The following PCNX1 variants were observed in gnomAD, a reference collection of about 807,000 sequenced individuals.
PCNX1 encodes pecanex-like protein 1.
Under a neutral mutation model 242.2 loss-of-function variants are expected in PCNX1, and 78 were observed. The ratio of observed to expected loss-of-function variants is 0.32; its 90% CI spans 0.27 to 0.39. PCNX1 has a LOEUF of 0.39. Ranked by LOEUF, PCNX1 falls within the 10% of genes least tolerant of loss-of-function variation. The probability of loss-of-function intolerance (pLI) is 1.00; values close to 1 mark genes in which losing one functional copy is unlikely to be tolerated. For missense variants in PCNX1, 2,581 were observed against 2,856.5 expected (o/e 0.90, Z 2.20); for synonymous variants, 1,024 against 1,032.9 (o/e 0.99, Z 0.17).
At chr14:71,076,444 C>A in intron 28 of PCNX1, 25 bp downstream of exon 28, 1 of 1,465,754 alleles carries the variant, frequency 6.8e-7, no homozygotes, top group South Asian at 1.1e-5. Context: ...ATTTATAACT[C>A]TTTGAATCCA....
At chr14:71,090,826 A>G (rs906954189) in intron 30 of PCNX1, among the ~76,000 whole-genome samples, 2 of 152,204 alleles carry the variant, frequency 1.3e-5, no homozygotes, top group Non-Finnish European at 2.9e-5. Context: ...CTTGTCCGAG[A>G]TGAAACTGAG....
chr14:70,952,890 C>T (rs948126141), intron 2 of PCNX1, among the ~76,000 whole-genome samples: 3 of 152,102 alleles, frequency 2.0e-5, no homozygotes, highest in African/African-American at 7.2e-5. Context: ...TATGAAAGTC[C>T]TTATTGTTCA....
chr14:71,011,949 G>GA (rs766950521), intron 10 of PCNX1: 1 of 171,426 alleles, frequency 5.8e-6, no homozygotes, highest in Non-Finnish European at 1.2e-5. Flanking sequence ...ATGGGAAGAT[G>GA]ATTGTTTTAT....
At chr14:71,083,152 TTTTC>T (rs1259096516) in intron 28 of PCNX1, among the ~76,000 whole-genome samples, 1 of 152,226 alleles carries the variant, frequency 6.6e-6, no homozygotes, top group African/African-American at 2.4e-5. Context: ...TTGAAAATTC[TTTTC>T]TTTAAGAATG....
intron 2 of PCNX1, among the ~76,000 whole-genome samples, chr14:70,953,654 T>C (rs1006093524): frequency 3.0e-5 from 4 of 133,046 alleles, no homozygotes; most frequent in Admixed American, 2.4e-4. Flanking sequence ...TTTTTTGTGT[T>C]TTTTTCTTTC....
chr14:70,976,093 G>A (rs899848626), intron 5 of PCNX1, among the ~76,000 whole-genome samples: 7 of 152,162 alleles, frequency 4.6e-5, no homozygotes, highest in South Asian at 4.2e-4. Context: ...TGAAATAATC[G>A]TATTAGCTTT....
intron 28 of PCNX1, among the ~76,000 whole-genome samples, chr14:71,084,083 T>C (rs2061923841): frequency 6.6e-6 from 1 of 152,204 alleles, no homozygotes; most frequent in South Asian, 2.1e-4. Context: ...TTCTGTTTGT[T>C]AGTTTTCCTT....
chr14:70,951,235 T>C (rs1157221308), intron 2 of PCNX1, among the ~76,000 whole-genome samples: 4 of 152,210 alleles, frequency 2.6e-5, no homozygotes, highest in African/African-American at 7.2e-5. Context: ...AACTTAGTTT[T>C]CTGCTTCATC....
intron 1 of PCNX1, among the ~76,000 whole-genome samples, chr14:70,930,404 G>T (rs1164855463): frequency 6.6e-6 from 1 of 152,102 alleles, no homozygotes; most frequent in Non-Finnish European, 1.5e-5. Context: ...AGTTGCATGT[G>T]CTATGTTATT....
At chr14:71,089,527 A>G (rs1466209783) in intron 30 of PCNX1, among the ~76,000 whole-genome samples, 185 bp downstream of exon 30, 1 of 152,194 alleles carries the variant, frequency 6.6e-6, no homozygotes, top group East Asian at 1.9e-4. Context: ...ACTTACAGTC[A>G]TGGCGGAAGG....
chr14:70,999,140 A>G (rs572339902), intron 8 of PCNX1, among the ~76,000 whole-genome samples: 3 of 152,330 alleles, frequency 2.0e-5, no homozygotes, highest in East Asian at 1.9e-4. Context: ...GTTCTGTTTT[A>G]TATCTGCTAA....
At position 70,959,379 on chromosome 14, in the gene PCNX1, C is replaced by T. The variant is rs1216901147; in HGVS notation, c.363-2847C>T. 4.0e-5 allele frequency among the ~76,000 whole-genome samples: 4 copies of T among 100,170 alleles called. No individual in the cohort carries two copies. In the Admixed American group the frequency reaches 5.2e-4, roughly 13 times the overall value. 65.7% of individuals were successfully genotyped at this position (100,170 alleles called of 152,430 possible). Reference sequence around the variant, plus strand: ...TATCTTCTAATGCTATCCCTCCCCCCTCCCCCCACCCCACAACAGTCCCCA... The same window carrying T: ...TATCTTCTAATGCTATCCCTCCCCCTTCCCCCCACCCCACAACAGTCCCCA... On this transcript the variant is annotated intron_variant, in intron 2 of 35. Coordinates refer to ENST00000304743, the MANE Select transcript of PCNX1 (RefSeq NM_014982.3).
At chr14:71,081,374 C>G (rs1398394630) in intron 28 of PCNX1, among the ~76,000 whole-genome samples, 2 of 152,114 alleles carry the variant, frequency 1.3e-5, no homozygotes, top group Non-Finnish European at 2.9e-5. Flanking sequence ...CAAGATGATG[C>G]TGGTCTCATA....
chr14:71,000,712 G>C (rs201577024), intron 8 of PCNX1, among the ~76,000 whole-genome samples: 4 of 152,070 alleles, frequency 2.6e-5, no homozygotes, highest in Non-Finnish European at 5.9e-5. Context: ...TTTTAGTAGA[G>C]ATGGGGTTTT....
chr14:71,040,533 A>AT (rs2060673395), intron 19 of PCNX1, among the ~76,000 whole-genome samples: 1 of 151,744 alleles, frequency 6.6e-6, no homozygotes, highest in South Asian at 2.1e-4. Flanking sequence ...AACGTTCTTC[A>AT]TTTTTTTCAT....
intron 2 of PCNX1, among the ~76,000 whole-genome samples, chr14:70,958,780 G>A (rs1224947809): frequency 6.6e-6 from 1 of 151,842 alleles, no homozygotes; most frequent in Non-Finnish European, 1.5e-5. Flanking sequence ...CCAGAACAAT[G>A]GGATATGCTG....
intron 30 of PCNX1, among the ~76,000 whole-genome samples, chr14:71,098,553 T>TGTGTGTGTGTGTGAGA (rs60367565): frequency 3.4e-4 from 43 of 125,730 alleles, no homozygotes; most frequent in Admixed American, 7.3e-4. Flanking sequence ...TGTGTGTGTG[T>TGTGTGTGTGTGTGAGA]GAGAGAGAGA....
intron 8 of PCNX1, among the ~76,000 whole-genome samples, chr14:71,003,050 C>A (rs1248386471): frequency 7.1e-6 from 1 of 140,608 alleles, no homozygotes; most frequent in Non-Finnish European, 1.5e-5. Flanking sequence ...GAAATTTACT[C>A]ATTTTAAAAA....
At chr14:70,949,199 G>A (rs1464304318) in intron 2 of PCNX1, among the ~76,000 whole-genome samples, 1 of 134,838 alleles carries the variant, frequency 7.4e-6, no homozygotes, top group Non-Finnish European at 1.6e-5. Flanking sequence ...TACTCATAGT[G>A]TGTATATACA....
Sources: allele counts gnomAD v4.1 joint callset (sites outside exome capture counted in the v4.1 genomes callset), GRCh38; gene constraint gnomAD v4.1.1; transcripts MANE v1.5; gene names NCBI Gene and HGNC (gene_info 2026-07-23, HGNC 2026-07-21).